The following MOCS3 variants were observed in gnomAD, a reference collection of about 807,000 sequenced individuals.
MOCS3 encodes the protein molybdenum cofactor synthesis 3.
In MOCS3, 9 loss-of-function variants were observed where a neutral mutation model predicts 8.4. The observed-to-expected ratio is 1.07, with a 90% CI of 0.65 to 1.87. MOCS3 has a LOEUF of 1.87. MOCS3 is among the 40% of genes most tolerant of loss of function. The pLI is 0.00. For missense variants in MOCS3, 581 were observed against 599.7 expected, an observed-to-expected ratio of 0.97 and a Z score of 0.33; for synonymous variants, 294 against 272.0, an observed-to-expected ratio of 1.08 and a Z score of -0.80.
Position 50,959,328 on chromosome 20 carries a change from G to C in MOCS3, c.486G>C (p.Thr162=). ...VECVPYTQAL[T]PATALDLVRR... is the part of the protein sequence containing the mutation. ...GCGTGCCGTACACTCAGGCCCTTACGCCAGCCACTGCCCTAGACCTGGTCC... is the reference window on the plus strand; with the variant it reads ...GCGTGCCGTACACTCAGGCCCTTACCCCAGCCACTGCCCTAGACCTGGTCC... Residue 162 remains threonine, a synonymous_variant, in exon 1 of 1, where the codon ACG becomes ACC. Transcript: ENST00000244051. The C allele has an allele frequency of 6.2e-7, 1 of 1,609,874 alleles. No individual in the cohort carries two copies. The highest frequency in any genetic ancestry group is 8.5e-7 in the Non-Finnish European group (1 of 1,178,352).
Position 50,959,398 on chromosome 20 carries a change from C to T in MOCS3, c.556C>T (p.Arg186Cys). 2 of 1,613,626 alleles carry T rather than the reference C, an allele frequency of 1.2e-6. No homozygotes were observed. Among genetic ancestry groups the T allele is most frequent in the Non-Finnish European group, 1.7e-6 (2 of 1,179,846 alleles). The change falls in exon 1 of 1, where the codon CGC becomes TGC. Residue 186 changes from arginine to cysteine, a missense_variant. Physicochemically the swap from Arg to Cys is radical, Grantham distance 180 (BLOSUM62 -3). Transcript: ENST00000244051. ...TGACTGCTCGGACAACGTGCCCACT[C>T]GCTACCTGGTTAATGACGCATGTGT... ...VADCSDNVPT[R>C]YLVNDACVLA...
rs761017966 is a variant in MOCS3, at chr20:50,959,393, C to T, written c.551C>T (p.Pro184Leu). ...GTGGCTGACTGCTCGGACAACGTGC[C>T]CACTCGCTACCTGGTTAATGACGCA... ...DVVADCSDNV[P>L]TRYLVNDACV... is the part of the protein sequence containing the mutation. The change falls in exon 1 of 1, where the codon CCC becomes CTC. Residue 184 changes from proline to leucine, a missense_variant. Physicochemically the swap from Pro to Leu is moderately conservative, Grantham distance 98 (BLOSUM62 -3). Coordinates refer to ENST00000244051, the MANE Select transcript of MOCS3 (RefSeq NM_014484.5). 34 of 1,613,200 alleles carry T rather than the reference C, an allele frequency of 2.1e-5. No homozygotes were observed. The highest frequency in any genetic ancestry group is 1.6e-4 in the Middle Eastern group (1 of 6,082).
Position 50,959,515 on chromosome 20 carries a change from T to G in MOCS3, c.673T>G (p.Cys225Gly). 6.2e-7 allele frequency: 1 copy of G among 1,614,116 alleles called. No homozygotes were observed. The highest frequency in any genetic ancestry group is 8.5e-7 in the Non-Finnish European group (1 of 1,180,036). Residue 225 changes from cysteine (C) to glycine (G), a missense_variant, in exon 1 of 1, where the codon TGC becomes GGC. Physicochemically the swap from Cys to Gly is radical, Grantham distance 159. Transcript: ENST00000244051. ...YHYDGGPCYR[C>G]IFPQPPPAET... Reference sequence around the variant, plus strand: ...TTATGACGGTGGCCCTTGCTATCGCTGCATATTCCCCCAACCACCCCCAGC... The same window carrying G: ...TTATGACGGTGGCCCTTGCTATCGCGGCATATTCCCCCAACCACCCCCAGC...
rs1987087093 is a variant in MOCS3 at position 50,960,690 on chromosome 20, ATTATTCAGAAAGAGGG to A, written c.*467_*482del. 6.0e-6 allele frequency: 1 copy of A among 167,948 alleles called. No homozygotes were observed. Among genetic ancestry groups the A allele is most frequent in the African/African-American group, 2.4e-5 (1 of 41,470 alleles). The allele number at this position is 167,948 out of a possible 1,614,324, so 10.4% of individuals were successfully genotyped here. Reference sequence around the variant, plus strand: ...CATGTTTAAAATGTAAATTGTTTTAATTATTCAGAAAGAGGGTCATTCTATTTGGCCTTTTGAATTA... The same window carrying A: ...CATGTTTAAAATGTAAATTGTTTTAATCATTCTATTTGGCCTTTTGAATTA... On this transcript the variant is annotated 3_prime_UTR_variant, in exon 1 of 1. Transcript: ENST00000244051.
rs751495399 is a variant in MOCS3, at chr20:50,961,757, T to TA, written c.*1535dup. 6.6e-6 allele frequency: 1 copy of TA among 152,212 alleles called. No homozygotes were observed. Among genetic ancestry groups the TA allele is most frequent in the African/African-American group, 2.4e-5 (1 of 41,442 alleles). 9.4% of individuals were successfully genotyped at this position (152,212 alleles called of 1,614,324 possible). ...AACTAATTCTTTGAACAGGTATACT[T>TA]AAAGTATGGTATACCCTTCTGTTAT... is the stretch of plus-strand genomic sequence containing the variant. On this transcript the variant is annotated 3_prime_UTR_variant, in exon 1 of 1. Transcript: ENST00000244051.
Position 50,960,381 on chromosome 20 carries a change from A to C in MOCS3, c.*156A>C, listed in dbSNP as rs535451501. ...TTTATAAGGAGTTTTAAAAATTGTT[A>C]TGTATTGGATGAATGACTTATTAAT... On this transcript the variant is annotated 3_prime_UTR_variant, in exon 1 of 1. Transcript: ENST00000244051. 2.7e-6 allele frequency: 2 copies of C among 731,320 alleles called. No homozygotes were observed. The highest frequency in any genetic ancestry group is 2.8e-5 in the East Asian group (1 of 35,278). The allele number at this position is 731,320 out of a possible 1,614,324, so 45.3% of individuals were successfully genotyped here.
Position 50,959,252 on chromosome 20 carries a change from A to C in MOCS3, c.410A>C (p.Lys137Thr), listed in dbSNP as rs1438847303. 6.2e-7 allele frequency: 1 copy of C among 1,610,610 alleles called. No homozygotes were observed. The highest frequency in any genetic ancestry group is 1.7e-5 in the Admixed American group (1 of 59,990). The change falls in exon 1 of 1, where the codon AAG becomes ACG. Residue 137 changes from lysine (K) to threonine (T), a missense_variant. Coordinates refer to ENST00000244051, the MANE Select transcript of MOCS3 (RefSeq NM_014484.5). ...GGCGAGGCACTGGCTGGCCAGGCCA[A>C]GGCCTTTTCGGCCGCCGCCTCGCTG... is the stretch of plus-strand genomic sequence containing the variant. ...LHGEALAGQA[K>T]AFSAAASLRR...
chr20:50,962,634 C>T lies in MOCS3; in HGVS notation c.*2409C>T, dbSNP rs1384745835. ...GCACAATCTCGGCTCACTGCAACCT[C>T]CACCTCCCATGTTCAAGTGATTCTC... On this transcript the variant is annotated 3_prime_UTR_variant, in exon 1 of 1. Coordinates refer to ENST00000244051, the MANE Select transcript of MOCS3 (RefSeq NM_014484.5). 1.3e-5 allele frequency: 2 copies of T among 152,242 alleles called. No homozygotes were observed. The highest frequency in any genetic ancestry group is 4.8e-5 in the African/African-American group (2 of 41,450). The allele number at this position is 152,242 out of a possible 1,614,324, so 9.4% of individuals were successfully genotyped here.
rs1987084702 is a variant in MOCS3, at chr20:50,960,569, T to C, written c.*344T>C. The C allele has an allele frequency of 4.6e-6, 1 of 219,604 alleles. No homozygotes were observed. Among genetic ancestry groups the C allele is most frequent in the Non-Finnish European group, 9.9e-6 (1 of 101,156 alleles). 13.6% of individuals were successfully genotyped at this position (219,604 alleles called of 1,614,324 possible). Reference sequence around the variant, plus strand: ...AGTCAAAATGCTTTCTAAATCATTTTCACAGATTATATACTTCGGATCTGT... The same window carrying C: ...AGTCAAAATGCTTTCTAAATCATTTCCACAGATTATATACTTCGGATCTGT... On this transcript the variant is annotated 3_prime_UTR_variant, in exon 1 of 1. Transcript: ENST00000244051.
chr20:50,963,895 A>T lies in MOCS3; in HGVS notation c.*3670A>T, dbSNP rs1193373634. On this transcript the variant is annotated 3_prime_UTR_variant, in exon 1 of 1. Transcript: ENST00000244051. ...GCAATCTATGTCCTGACAATCACGGAAGTGTATTCCAGATACAATAGAAAT... is the reference window on the plus strand; with the variant it reads ...GCAATCTATGTCCTGACAATCACGGTAGTGTATTCCAGATACAATAGAAAT... The T allele has an allele frequency of 6.6e-6, 1 of 152,218 alleles. No homozygotes were observed. Among genetic ancestry groups the T allele is most frequent in the Non-Finnish European group, 1.5e-5 (1 of 68,036 alleles). 9.4% of individuals were successfully genotyped at this position (152,218 alleles called of 1,614,324 possible).
At position 50,963,563 on chromosome 20, in the gene MOCS3, G is replaced by A. The variant is rs1418565528; in HGVS notation, c.*3338G>A. 1.3e-5 allele frequency: 2 copies of A among 152,190 alleles called. No homozygotes were observed. The highest frequency in any genetic ancestry group is 2.9e-5 in the Non-Finnish European group (2 of 68,034). The allele number at this position is 152,190 out of a possible 1,614,324, so 9.4% of individuals were successfully genotyped here. ...GAAAAATAACTGTAAAGACCTCAAGGTAAATAAACTTGGAATGTTCCGTTC... is the reference window on the plus strand; with the variant it reads ...GAAAAATAACTGTAAAGACCTCAAGATAAATAAACTTGGAATGTTCCGTTC... On this transcript the variant is annotated 3_prime_UTR_variant, in exon 1 of 1. Transcript: ENST00000244051.
rs535451501 is a variant in MOCS3 at position 50,960,381 on chromosome 20, A to G, written c.*156A>G. ...TTTATAAGGAGTTTTAAAAATTGTTATGTATTGGATGAATGACTTATTAAT... is the reference window on the plus strand; with the variant it reads ...TTTATAAGGAGTTTTAAAAATTGTTGTGTATTGGATGAATGACTTATTAAT... On this transcript the variant is annotated 3_prime_UTR_variant, in exon 1 of 1. Coordinates refer to ENST00000244051, the MANE Select transcript of MOCS3 (RefSeq NM_014484.5). The G allele has an allele frequency of 5.5e-6, 4 of 731,202 alleles. No homozygotes were observed. The highest frequency in any genetic ancestry group is 5.4e-5 in the African/African-American group (3 of 55,956). 45.3% of individuals were successfully genotyped at this position (731,202 alleles called of 1,614,324 possible). A position where few individuals can be genotyped will look rare whatever the true frequency, so the allele number is the denominator to read the frequency against.
Position 50,958,835 on chromosome 20 carries a change from A to G in MOCS3, c.-8A>G. ...TGCCTTTCACGACAACTTCCGGAAG[A>G]GGTCGCCATGGCTTCCCGGGAGGAG... is the stretch of plus-strand genomic sequence containing the variant. On this transcript the variant is annotated 5_prime_UTR_variant, in exon 1 of 1. Transcript: ENST00000244051. 2 of 1,580,230 alleles carry G rather than the reference A, an allele frequency of 1.3e-6. No individual in the cohort carries two copies. Among genetic ancestry groups the G allele is most frequent in the Non-Finnish European group, 8.6e-7 (1 of 1,158,600 alleles).
Position 50,960,433 on chromosome 20 carries a change from A to ATT in MOCS3, c.*217_*218dup. ...GATTATACCGTTTCTGAGAACCATC[A>ATT]TTTTTTTTTTCAGCACACGGAGGAT... On this transcript the variant is annotated 3_prime_UTR_variant, in exon 1 of 1. Transcript: ENST00000244051. 2.4e-5 allele frequency: 11 copies of ATT among 454,978 alleles called. No individual in the cohort carries two copies. The highest frequency in any genetic ancestry group is 1.2e-4 in the South Asian group (2 of 16,562). 28.2% of individuals were successfully genotyped at this position (454,978 alleles called of 1,614,324 possible). A position where few individuals can be genotyped will look rare whatever the true frequency, so the allele number is the denominator to read the frequency against.
In MOCS3 at chr20:50,963,447, A is replaced by T. The variant is rs1987141049; in HGVS notation, c.*3222A>T. On this transcript the variant is annotated 3_prime_UTR_variant, in exon 1 of 1. Transcript: ENST00000244051. ...GGGATCTGTTTTGAATAGCTTAATT[A>T]TGGAAGGCCTCAGAGATGACATTAA... 1 of 152,242 alleles carries T rather than the reference A, an allele frequency of 6.6e-6. No homozygotes were observed. The highest frequency in any genetic ancestry group is 1.5e-5 in the Non-Finnish European group (1 of 68,058). The allele number at this position is 152,242 out of a possible 1,614,324, so 9.4% of individuals were successfully genotyped here.
chr20:50,959,372 C>A lies in MOCS3; in HGVS notation c.530C>A (p.Ala177Asp), dbSNP rs759994702. The A allele has an allele frequency of 8.1e-6, 13 of 1,612,328 alleles. No homozygotes were observed. Among genetic ancestry groups the A allele is most frequent in the Non-Finnish European group, 1.0e-5 (12 of 1,179,104 alleles). ...LDLVRRYDVV[A>D]DCSDNVPTRY... is the part of the protein sequence containing the mutation. ...CTGGTCCGCCGATATGATGTGGTGGCTGACTGCTCGGACAACGTGCCCACT... is the reference window on the plus strand; with the variant it reads ...CTGGTCCGCCGATATGATGTGGTGGATGACTGCTCGGACAACGTGCCCACT... The change falls in exon 1 of 1, where the codon GCT becomes GAT. Residue 177 changes from alanine (A) to aspartate (D), a missense_variant. Coordinates refer to ENST00000244051, the MANE Select transcript of MOCS3 (RefSeq NM_014484.5).
At position 50,959,833 on chromosome 20, in the gene MOCS3, A is replaced by T; in HGVS notation, c.991A>T (p.Ser331Cys). 1.2e-6 allele frequency: 2 copies of T among 1,614,206 alleles called. No individual in the cohort carries two copies. The highest frequency in any genetic ancestry group is 1.7e-6 in the Non-Finnish European group (2 of 1,180,024). ...TAAATGCCGCTCCCTGCAACTACTGAGCCCAGAGGAGCGTGTTTCTGTCAC... is the reference window on the plus strand; with the variant it reads ...TAAATGCCGCTCCCTGCAACTACTGTGCCCAGAGGAGCGTGTTTCTGTCAC... Reference protein sequence around the residue: ...TDKCRSLQLLSPEERVSVTDY... With the variant: ...TDKCRSLQLLCPEERVSVTDY... The change falls in exon 1 of 1, where the codon AGC becomes TGC. Residue 331 changes from serine to cysteine, a missense_variant. Physicochemically the swap from Ser to Cys is moderately radical, Grantham distance 112. Transcript: ENST00000244051.
Position 50,961,765 on chromosome 20 carries a change from G to C in MOCS3, c.*1540G>C, listed in dbSNP as rs1372290169. On this transcript the variant is annotated 3_prime_UTR_variant, in exon 1 of 1. Transcript: ENST00000244051. ...CTTTGAACAGGTATACTTAAAGTAT[G>C]GTATACCCTTCTGTTATAAAGATGA... 6.6e-6 allele frequency: 1 copy of C among 152,126 alleles called. No homozygotes were observed. The highest frequency in any genetic ancestry group is 1.5e-5 in the Non-Finnish European group (1 of 68,024). The allele number at this position is 152,126 out of a possible 1,614,324, so 9.4% of individuals were successfully genotyped here.
rs1439689590 is a variant in MOCS3, at chr20:50,959,230, G to A, written c.388G>A (p.Glu130Lys). 3.7e-6 allele frequency: 6 copies of A among 1,610,934 alleles called. No homozygotes were observed. In the African/African-American group the frequency reaches 6.7e-5, roughly 18 times the overall value. The change falls in exon 1 of 1, where the codon GAG (glutamate) becomes AAG (lysine). Residue 130 changes from glutamate (E) to lysine (K), a missense_variant. Transcript: ENST00000244051. ...SNLARQVLHGEALAGQAKAFS... is the reference protein window; with the variant it reads ...SNLARQVLHGKALAGQAKAFS... The stretch of plus-strand genomic sequence containing the variant: ...CCTGGCCCGCCAAGTGCTGCATGGC[G>A]AGGCACTGGCTGGCCAGGCCAAGGC...
Sources: allele counts gnomAD v4.1 joint callset, GRCh38; gene constraint gnomAD v4.1.1; transcripts MANE v1.5; gene names NCBI Gene and HGNC (gene_info 2026-07-23, HGNC 2026-07-21).